Variants in SRRM2 observed in about 807,000 individuals in gnomAD.
The protein encoded by SRRM2 is serine/arginine repetitive matrix 2.
A neutral mutation model predicts 213.8 loss-of-function variants in SRRM2; 30 were observed. The ratio of observed to expected loss-of-function variants is 0.14; its 90% CI spans 0.10 to 0.19. SRRM2 has a LOEUF of 0.19. Ranked by LOEUF, SRRM2 falls within the 10% of genes least tolerant of loss-of-function variation. The pLI, the probability that SRRM2 is intolerant of heterozygous loss-of-function variation, is 1.00. For missense variants in SRRM2, 4,904 were observed against 3,647.0 expected (o/e 1.34, Z -8.88); for synonymous variants, 2,025 against 1,377.7 (o/e 1.47, Z -10.40).
Position 2,766,662 on chromosome 16 carries a change from G to T in SRRM2, c.6134G>T (p.Arg2045Leu). The T allele has an allele frequency of 6.2e-7, 1 of 1,612,924 alleles. No homozygotes were observed. Among genetic ancestry groups the T allele is most frequent in the Non-Finnish European group, 8.5e-7 (1 of 1,179,686 alleles). The change falls in exon 11 of 15, where the codon CGC becomes CTC. Residue 2045 changes from arginine (R) to leucine (L), a missense_variant. Arg to Leu is a moderately radical substitution (Grantham distance 102). Transcript: ENST00000301740. The surrounding 1 kb of genome is among the most constrained non-coding windows in gnomAD (Gnocchi z 7.0). ...TTACCACGCAAACGTTCTCGAAGTC[G>T]CTCACCACTTGCTATCCGCCGCCGC... Reference protein sequence around the residue: ...PLLPRKRSRSRSPLAIRRRSR... With the variant: ...PLLPRKRSRSLSPLAIRRRSR...
In SRRM2 at chr16:2,767,357, G is replaced by C; in HGVS notation, c.6829G>C (p.Val2277Leu). The C allele has an allele frequency of 6.2e-7, 1 of 1,613,806 alleles. No individual in the cohort carries two copies. Among genetic ancestry groups the C allele is most frequent in the Non-Finnish European group, 8.5e-7 (1 of 1,180,028 alleles). The change falls in exon 11 of 15, where the codon GTG becomes CTG. Residue 2277 changes from valine (V) to leucine (L), a missense_variant. Val to Leu is a conservative substitution (Grantham distance 32). Coordinates refer to ENST00000301740, the MANE Select transcript of SRRM2 (RefSeq NM_016333.4). The part of the protein sequence containing the change: ...AMNLASPRTA[V>L]APSAVNLADP... ...GAACTTGGCCAGCCCCAGAACAGCG[G>C]TGGCACCTTCGGCTGTGAACCTGGC... is the stretch of plus-strand genomic sequence containing the variant.
chr16:2,759,535 A>T, intron 8 of SRRM2, 34 bp from the exon 9 acceptor site: 1 of 1,605,664 alleles, frequency 6.2e-7, no homozygotes, highest in African/African-American at 1.3e-5. Context: ...CAGGTACAGC[A>T]GTACCCTGAG....
rs752421519 is a variant in SRRM2 at position 2,759,420 on chromosome 16, G to C, written c.740+18G>C. 2 of 1,593,178 alleles carry C rather than the reference G, an allele frequency of 1.3e-6. No homozygotes were observed. Among genetic ancestry groups the C allele is most frequent in the Non-Finnish European group, 1.7e-6 (2 of 1,171,948 alleles). On this transcript the variant is annotated intron_variant, in intron 8 of 14. Transcript: ENST00000301740. ...CGAAAGCGGTGAGTGAATTTGTGGG[G>C]AATTTGCTTAGGAAGTAAGTGAACG...
chr16:2,765,381 C>G lies in SRRM2; in HGVS notation c.4853C>G (p.Ser1618Cys), dbSNP rs1226182455. Residue 1618 changes from serine to cysteine, a missense_variant, in exon 11 of 15, where the codon TCT (serine) becomes TGT (cysteine). Coordinates refer to ENST00000301740, the MANE Select transcript of SRRM2 (RefSeq NM_016333.4). ...GCAGCACCCAGGGCACAGAGTGGTT[C>G]TGATTCCTCTCCTGAACCTAAAGCT... Reference protein sequence around the residue: ...PRAAPRAQSGSDSSPEPKAPA... With the variant: ...PRAAPRAQSGCDSSPEPKAPA... 1.2e-6 allele frequency: 2 copies of G among 1,614,190 alleles called. No individual in the cohort carries two copies. Among genetic ancestry groups the G allele is most frequent in the Non-Finnish European group, 1.7e-6 (2 of 1,180,044 alleles).
chr16:2,753,802 T>C (rs1412216424), intron 1 of SRRM2, among the ~76,000 whole-genome samples: 2 of 152,160 alleles, frequency 1.3e-5, no homozygotes, highest in Non-Finnish European at 1.5e-5. Context: ...TATTTTAGCT[T>C]TCTGGGTTCT....
At chr16:2,760,186 T>G (rs2068288908) in intron 9 of SRRM2, 115 bp from the exon 10 acceptor site, 24 of 1,047,344 alleles carry the variant, frequency 2.3e-5, no homozygotes, top group Admixed American at 2.0e-4. Context: ...ACTAAAGGCT[T>G]TTTGGAAGAG....
chr16:2,759,312 T>A, intron 7 of SRRM2, 40 bp from the exon 8 acceptor site: 1 of 1,610,530 alleles, frequency 6.2e-7, no homozygotes, highest in East Asian at 2.2e-5. Context: ...ATTTCCTTTT[T>A]TAAAGAAGTT....
Position 2,763,516 on chromosome 16 carries a change from C to T in SRRM2, c.2988C>T (p.Tyr996=), listed in dbSNP as rs140191989. ...RQSHSGSISP[Y]PKVKAQTPPG... is the part of the protein sequence containing the mutation. ...GTCACTCAGGGTCTATTTCACCATA[C>T]CCCAAAGTAAAGGCCCAAACTCCAC... is the stretch of plus-strand genomic sequence containing the variant. The change falls in exon 11 of 15, where the codon TAC becomes TAT. Residue 996 remains tyrosine, a synonymous_variant. Transcript: ENST00000301740. The T allele has an allele frequency of 9.1e-3, 14,742 of 1,614,158 alleles. 98 individuals are homozygous for T. Among genetic ancestry groups the T allele is most frequent in the Middle Eastern group, 0.024 (143 of 6,062 alleles).
In SRRM2 at chr16:2,759,652, C is replaced by G. The variant is rs766320760; in HGVS notation, c.824C>G (p.Ser275Cys). 6.2e-7 allele frequency: 1 copy of G among 1,613,852 alleles called. No individual in the cohort carries two copies. Among genetic ancestry groups the G allele is most frequent in the South Asian group, 1.1e-5 (1 of 91,052 alleles). The change falls in exon 9 of 15, where the codon TCC becomes TGC. Residue 275 changes from serine (S) to cysteine (C), a missense_variant. Transcript: ENST00000301740. ...SADSASSSDT[S>C]RSRSRSAAAK... is the part of the protein sequence containing the mutation. ...GACTCTGCTTCCTCCTCCGATACTT[C>G]CCGCAGTCGGTAAGGGGTAGTCCAG...
At position 2,759,019 on chromosome 16, in the gene SRRM2, A is replaced by G; in HGVS notation, c.628A>G (p.Lys210Glu). 1.2e-6 allele frequency: 2 copies of G among 1,614,226 alleles called. No individual in the cohort carries two copies. The highest frequency in any genetic ancestry group is 1.7e-6 in the Non-Finnish European group (2 of 1,180,046). Residue 210 changes from lysine to glutamate, a missense_variant, in exon 6 of 15, where the codon AAG (lysine) becomes GAG (glutamate). By Grantham distance (56) the Lys-to-Glu change is moderately conservative. Coordinates refer to ENST00000301740, the MANE Select transcript of SRRM2 (RefSeq NM_016333.4). ...GAGCAGCTCTCCTCGACGGGAGAGA[A>G]AGAAAAGCTCAAAGAAGAAGAAGCA... is the stretch of plus-strand genomic sequence containing the variant. ...SESSSPRRER[K>E]KSSKKKKHRS...
rs776108323 is a variant in SRRM2 at position 2,767,264 on chromosome 16, A to G, written c.6736A>G (p.Arg2246Gly). The G allele has an allele frequency of 1.2e-6, 2 of 1,613,960 alleles. No individual in the cohort carries two copies. Among genetic ancestry groups the G allele is most frequent in the Non-Finnish European group, 1.7e-6 (2 of 1,180,042 alleles). ...GGCAGCCATGAACCTAGCCAGCGCC[A>G]GGACACCTGCCATTCCAACAGCAGT... ...SAAAMNLASA[R>G]TPAIPTAVNL... is the part of the protein sequence containing the mutation. The change falls in exon 11 of 15, where the codon AGG becomes GGG. Residue 2246 changes from arginine (R) to glycine (G), a missense_variant. Arg to Gly is a moderately radical substitution (Grantham distance 125). Coordinates refer to ENST00000301740, the MANE Select transcript of SRRM2 (RefSeq NM_016333.4).
chr16:2,761,318 A>G (rs896377202), intron 10 of SRRM2, among the ~76,000 whole-genome samples: 1 of 152,216 alleles, frequency 6.6e-6, no homozygotes, highest in African/African-American at 2.4e-5. Context: ...TGTTAAATGT[A>G]GTAGTGCATT....
chr16:2,760,662 G>C, intron 10 of SRRM2, 163 bp downstream of exon 10: 2 of 729,858 alleles, frequency 2.7e-6, no homozygotes, highest in South Asian at 3.8e-5. Context: ...AGAACTTTTA[G>C]TGTTGTTACT....
In SRRM2 at chr16:2,770,902, C is replaced by A. The variant is rs369220618; in HGVS notation, c.*35C>A. The A allele has an allele frequency of 2.5e-6, 4 of 1,613,120 alleles. No individual in the cohort carries two copies. In the African/African-American group the frequency reaches 5.3e-5, roughly 22 times the overall value. On this transcript the variant is annotated 3_prime_UTR_variant, in exon 15 of 15. Coordinates refer to ENST00000301740, the MANE Select transcript of SRRM2 (RefSeq NM_016333.4). ...GGGGGATTCCACCACACCCAATGCT[C>A]TGGAGCCACAAGGAGTGTCCCTTCT...
rs772173609 is a variant in SRRM2 at position 2,767,123 on chromosome 16, A to G, written c.6595A>G (p.Met2199Val). Residue 2199 changes from methionine (M) to valine (V), a missense_variant, in exon 11 of 15, where the codon ATG (methionine) becomes GTG (valine). Coordinates refer to ENST00000301740, the MANE Select transcript of SRRM2 (RefSeq NM_016333.4). ...TGGCACCGCTCGGCCTCCTCCGTCC[A>G]TGTCTGCTGCTGGCCTTGCTGCAAG... ...SLGTARPPPSMSAAGLAARMS... is the reference protein window; with the variant it reads ...SLGTARPPPSVSAAGLAARMS... 2.5e-6 allele frequency: 4 copies of G among 1,614,116 alleles called. No homozygotes were observed. The highest frequency in any genetic ancestry group is 1.7e-5 in the Admixed American group (1 of 60,022).
chr16:2,763,263 C>A lies in SRRM2; in HGVS notation c.2735C>A (p.Ser912Ter). The A allele has an allele frequency of 6.2e-7, 1 of 1,613,338 alleles. No homozygotes were observed. Among genetic ancestry groups the A allele is most frequent in the South Asian group, 1.1e-5 (1 of 90,774 alleles). Reference sequence around the variant, plus strand: ...CCTCCCAGACAGAGCCCATCTAGGTCATCATCTCCACAACCCAAAGTGAAG... The same window carrying A: ...CCTCCCAGACAGAGCCCATCTAGGTAATCATCTCCACAACCCAAAGTGAAG... ...STPPRQSPSR[S>*]SSPQPKVKAI... The change falls in exon 11 of 15, where the codon TCA (serine) becomes TAA (stop). Residue 912 changes from serine to a stop codon, truncating the protein, a stop_gained. Transcript: ENST00000301740. LOFTEE classifies it high-confidence loss of function.
chr16:2,754,295 CTT>C (rs559750275), intron 1 of SRRM2, among the ~76,000 whole-genome samples: 8 of 143,142 alleles, frequency 5.6e-5, no homozygotes, highest in Non-Finnish European at 4.6e-5. Context: ...ACTGGTTTTT[CTT>C]TTTTTTTTTT....
intron 10 of SRRM2, chr16:2,760,776 T>C (rs139915214): frequency 8.6e-5 from 35 of 404,764 alleles, no homozygotes; most frequent in Admixed American, 1.9e-4. Context: ...TTGTATCTTA[T>C]CTGTGTACTC....
At chr16:2,758,904 C>A (rs1165379031) in intron 5 of SRRM2, 81 bp from the exon 6 acceptor site, 21 of 1,533,998 alleles carry the variant, frequency 1.4e-5, no homozygotes, top group Admixed American at 3.7e-5. Flanking sequence ...GTTTTAGAAA[C>A]CTTTTTAGGA....
Sources: gnomAD v4.1 joint callset for allele counts (sites outside exome capture counted in the v4.1 genomes callset) on GRCh38, gnomAD v4.1.1 for gene constraint, Gnocchi (gnomAD v3.1) non-coding constraint, MANE v1.5 for transcripts, NCBI Gene and HGNC (gene_info 2026-07-23, HGNC 2026-07-21) for gene names.